Variants in ARHGEF18 observed in about 807,000 individuals in gnomAD.
ARHGEF18 encodes rho guanine nucleotide exchange factor 18.
Under a neutral mutation model 155.7 loss-of-function variants are expected in ARHGEF18, and 93 were observed. The observed-to-expected ratio is 0.60, with a 90% CI of 0.50 to 0.71. The LOEUF (loss-of-function observed/expected upper bound fraction) is 0.71, where lower values mean the gene tolerates loss of function less well. ARHGEF18 is among the 30% of genes least tolerant of loss of function. The pLI, the probability that ARHGEF18 is intolerant of heterozygous loss-of-function variation, is 0.00. For synonymous variants in ARHGEF18, 742 were observed against 753.1 expected (o/e 0.99, Z 0.24); for missense variants, 1,593 against 1,816.1 (o/e 0.88, Z 2.23).
chr19:7,401,537 C>T (rs1363767708), intron 10 of ARHGEF18, among the ~76,000 whole-genome samples: 6 of 152,128 alleles, frequency 3.9e-5, no homozygotes, highest in African/African-American at 1.4e-4. Context: ...AATCTGCCTG[C>T]CTTGGCTTCC....
chr19:7,462,335 G>A lies in ARHGEF18; in HGVS notation c.2635+1G>A. 1.3e-6 allele frequency: 2 copies of A among 1,583,736 alleles called. No individual in the cohort carries two copies. The highest frequency in any genetic ancestry group is 1.7e-6 in the Non-Finnish European group (2 of 1,165,980). On this transcript the variant is annotated splice_donor_variant, in intron 21 of 28. Coordinates refer to ENST00000668164, the MANE Select transcript of ARHGEF18 (RefSeq NM_001367823.1). LOFTEE classifies it high-confidence loss of function. The surrounding 1 kb of genome is among the most constrained non-coding windows in gnomAD (Gnocchi z 4.4). ...ATTCTCAAGTCGGCCATGAGCGAGA[G>A]TAAGTTGGCTGCCCACACCTCAAGG...
intron 3 of ARHGEF18, among the ~76,000 whole-genome samples, chr19:7,373,459 G>GTT (rs1352283681): frequency 1.2e-4 from 14 of 113,620 alleles, no homozygotes; most frequent in African/African-American, 5.9e-4. Flanking sequence ...TTGTTTTTGT[G>GTT]TTTGTTTTTT....
At position 7,444,331 on chromosome 19, in the gene ARHGEF18, C is replaced by T. The variant is rs755432608; in HGVS notation, c.1488C>T (p.Asp496=). 50 of 1,613,548 alleles carry T rather than the reference C, an allele frequency of 3.1e-5. No individual in the cohort carries two copies. The highest frequency in any genetic ancestry group is 4.4e-5 in the South Asian group (4 of 91,094). ...TTGGCCGCCTCTTCCCATGCGCTGACGACCTGCTGGAGACGCACAGCCACT... is the reference window on the plus strand; with the variant it reads ...TTGGCCGCCTCTTCCCATGCGCTGATGACCTGCTGGAGACGCACAGCCACT... ...KAIGRLFPCA[D]DLLETHSHFL... Residue 496 remains aspartate, a synonymous_variant, in exon 14 of 29, where the codon GAC becomes GAT. Transcript: ENST00000668164. This position sits in a 1 kb window ranked among gnomAD's most constrained non-coding sequence, Gnocchi z 4.7.
intron 10 of ARHGEF18, among the ~76,000 whole-genome samples, chr19:7,394,522 C>T (rs1235019667): frequency 6.6e-6 from 1 of 152,024 alleles, no homozygotes; most frequent in Non-Finnish European, 1.5e-5. Context: ...TCCAAAACAC[C>T]CCCAGCTCCA....
intron 10 of ARHGEF18, among the ~76,000 whole-genome samples, chr19:7,437,369 C>G (rs1040039064): frequency 2.7e-5 from 4 of 150,304 alleles, no homozygotes; most frequent in Non-Finnish European, 4.4e-5. Flanking sequence ...TTGCGGTGAG[C>G]TGAGATCACG....
intron 1 of ARHGEF18, among the ~76,000 whole-genome samples, chr19:7,362,079 G>C (rs1969613180): frequency 1.5e-4 from 3 of 19,546 alleles, no homozygotes; most frequent in African/African-American, 3.7e-4. Flanking sequence ...AGGAGAAGGA[G>C]AAGGAGAAGG....
intron 10 of ARHGEF18, among the ~76,000 whole-genome samples, chr19:7,425,720 C>A (rs1973623102): frequency 6.6e-6 from 1 of 150,700 alleles, no homozygotes; most frequent in Admixed American, 6.6e-5. Context: ...TTATGAGAGG[C>A]CGGGCACAGT....
At chr19:7,460,544 A>C (rs1976157896) in intron 20 of ARHGEF18, among the ~76,000 whole-genome samples, 11 of 147,304 alleles carry the variant, frequency 7.5e-5, no homozygotes, top group Admixed American at 1.4e-4. Flanking sequence ...CTTAACAGTC[A>C]CTCCCCACCC....
At position 7,468,877 on chromosome 19, in the gene ARHGEF18, C is replaced by G; in HGVS notation, c.3533C>G (p.Pro1178Arg). ...TTCAACGGGGAAGGGCTGGAGGGCC[C>G]TCGTGTGAGCATGCTGCCATCCGGC... The part of the protein sequence containing the change: ...PSFNGEGLEG[P>R]RVSMLPSGVG... The change falls in exon 27 of 29, where the codon CCT (proline) becomes CGT (arginine). Residue 1178 changes from proline to arginine, a missense_variant. By Grantham distance (103) the Pro-to-Arg change is moderately radical. Coordinates refer to ENST00000668164, the MANE Select transcript of ARHGEF18 (RefSeq NM_001367823.1). 1 of 1,575,654 alleles carries G rather than the reference C, an allele frequency of 6.3e-7. No individual in the cohort carries two copies. The highest frequency in any genetic ancestry group is 8.6e-7 in the Non-Finnish European group (1 of 1,160,320).
intron 2 of ARHGEF18, among the ~76,000 whole-genome samples, chr19:7,371,750 G>A (rs1285037319): frequency 1.3e-5 from 2 of 152,044 alleles, no homozygotes; most frequent in Admixed American, 1.3e-4. Context: ...GAACCCGGGA[G>A]GTGAAGGTTG....
intron 16 of ARHGEF18, among the ~76,000 whole-genome samples, chr19:7,451,611 C>T (rs953457733): frequency 5.9e-5 from 9 of 151,824 alleles, no homozygotes; most frequent in East Asian, 1.9e-4. Context: ...GATGGGGTCT[C>T]GCTGTGTTAC....
chr19:7,376,981 C>T (rs1970488903), intron 5 of ARHGEF18, among the ~76,000 whole-genome samples: 1 of 152,154 alleles, frequency 6.6e-6, no homozygotes, highest in Non-Finnish European at 1.5e-5. Context: ...CCTCCAGCAT[C>T]TGTCCCTCCT....
intron 10 of ARHGEF18, among the ~76,000 whole-genome samples, chr19:7,438,490 C>T (rs1242139641): frequency 1.3e-5 from 2 of 151,642 alleles, no homozygotes; most frequent in Non-Finnish European, 2.9e-5. Flanking sequence ...CGGCTCACCA[C>T]AACCTCCACC....
intron 2 of ARHGEF18, among the ~76,000 whole-genome samples, chr19:7,369,554 T>TAC (rs2145387569): frequency 6.6e-6 from 1 of 151,758 alleles, no homozygotes; most frequent in African/African-American, 2.4e-5. Flanking sequence ...ATCCCAGCCC[T>TAC]TTGGGAGGCT....
At chr19:7,477,838 G>A in the ARHGEF18 span, among the ~76,000 whole-genome samples, 1 of 152,122 alleles carries the variant, frequency 6.6e-6, no homozygotes, top group Non-Finnish European at 1.5e-5. Flanking sequence ...CCAATATGGC[G>A]AGACCCCATC....
At chr19:7,362,327 T>A (rs373185145) in intron 1 of ARHGEF18, among the ~76,000 whole-genome samples, 13 of 128,056 alleles carry the variant, frequency 1.0e-4, no homozygotes, top group African/African-American at 5.0e-4. Context: ...AGGAAGAAGG[T>A]GGAGGAGGAG....
In ARHGEF18 at chr19:7,379,048, C is replaced by T. The variant is rs1181608329; in HGVS notation, c.600-74C>T. ...GACCTGAGGCCTGCTTGGGCAACCC[C>T]AGCTTATCTAGGGGAGAGTGTCTGT... On this transcript the variant is annotated intron_variant, in intron 6 of 28. Transcript: ENST00000668164. The T allele has an allele frequency of 3.3e-6, 4 of 1,218,384 alleles. No individual in the cohort carries two copies. The African/African-American group carries it at 6.2e-5, about 19-fold the overall frequency. The allele number at this position is 1,218,384 out of a possible 1,614,324, so 75.5% of individuals were successfully genotyped here. A position where few individuals can be genotyped will look rare whatever the true frequency, so the allele number is the denominator to read the frequency against.
chr19:7,448,239 C>T (rs931073016), intron 15 of ARHGEF18, among the ~76,000 whole-genome samples: 42 of 152,248 alleles, frequency 2.8e-4, no homozygotes, highest in African/African-American at 9.1e-4. Flanking sequence ...TCCAGATGGG[C>T]ACGGTGGCTC....
intron 10 of ARHGEF18, among the ~76,000 whole-genome samples, chr19:7,413,537 G>A (rs373454647): frequency 1.1e-4 from 16 of 152,158 alleles, no homozygotes; most frequent in East Asian, 9.7e-4. Flanking sequence ...TCCTGACCTC[G>A]TGATCCACCT....
Sources: gnomAD v4.1 joint callset for allele counts (sites outside exome capture counted in the v4.1 genomes callset) on GRCh38, gnomAD v4.1.1 for gene constraint, Gnocchi (gnomAD v3.1) non-coding constraint, MANE v1.5 for transcripts, NCBI Gene and HGNC (gene_info 2026-07-23, HGNC 2026-07-21) for gene names.